KCNB2: variants seen among roughly 807,000 people sequenced by gnomAD.
KCNB2 encodes delayed rectifier potassium channel protein.
KCNB2 carries 15 observed loss-of-function variants against 61.5 expected under a neutral mutation model. The ratio of observed to expected loss-of-function variants is 0.24; its 90% CI spans 0.16 to 0.38. KCNB2 has a LOEUF of 0.38. Among genes scored for constraint, KCNB2 ranks in the 10% least tolerant of loss-of-function variants. The probability of loss-of-function intolerance (pLI) is 1.00; values close to 1 mark genes in which losing one functional copy is unlikely to be tolerated. For missense variants in KCNB2, 828 were observed against 1,125.2 expected (o/e 0.74, Z 3.78); for synonymous variants, 457 against 446.0 (o/e 1.02, Z -0.31).
chr8:72,845,710 G>A (rs1326726584), intron 2 of KCNB2, among the ~76,000 whole-genome samples: 2 of 152,170 alleles, frequency 1.3e-5, no homozygotes, highest in Non-Finnish European at 2.9e-5. Flanking sequence ...CGCCCGGTTC[G>A]AACTTCCAGG....
chr8:72,571,466 A>G (rs571296296), intron 2 of KCNB2, among the ~76,000 whole-genome samples: 47 of 152,348 alleles, frequency 3.1e-4, no homozygotes, highest in Middle Eastern at 3.4e-3. Flanking sequence ...TTTTGCACAT[A>G]TATAGAAAAC....
intron 2 of KCNB2, among the ~76,000 whole-genome samples, chr8:72,756,154 T>G (rs1373561467): frequency 6.6e-6 from 1 of 152,194 alleles, no homozygotes; most frequent in Admixed American, 6.5e-5. Context: ...GAGCAGGCTC[T>G]GAAACACCTG....
chr8:72,574,371 T>A (rs570063640), intron 2 of KCNB2, among the ~76,000 whole-genome samples: 1 of 152,210 alleles, frequency 6.6e-6, no homozygotes, highest in Non-Finnish European at 1.5e-5. Context: ...TAGGGTGCCA[T>A]AGGTTATGGA....
intron 2 of KCNB2, among the ~76,000 whole-genome samples, chr8:72,570,879 G>A (rs969110008): frequency 1.3e-5 from 2 of 152,082 alleles, no homozygotes; most frequent in African/African-American, 4.8e-5. Context: ...TAATTTAGTT[G>A]AACATATGCT....
chr8:72,755,818 G>T (rs1296859880), intron 2 of KCNB2, among the ~76,000 whole-genome samples: 1 of 152,142 alleles, frequency 6.6e-6, no homozygotes, highest in Non-Finnish European at 1.5e-5. Context: ...TCATTGACAA[G>T]GAAAACGGTT....
chr8:72,631,878 A>G (rs1805887147), intron 2 of KCNB2, among the ~76,000 whole-genome samples: 1 of 152,104 alleles, frequency 6.6e-6, no homozygotes, highest in Non-Finnish European at 1.5e-5. Context: ...GACAGGGCTC[A>G]GTCAACTCAG....
chr8:72,744,735 G>A (rs1808028712), intron 2 of KCNB2, among the ~76,000 whole-genome samples: 1 of 152,124 alleles, frequency 6.6e-6, no homozygotes, highest in Non-Finnish European at 1.5e-5. Context: ...ATCCCAGAGA[G>A]AAAACACAAG....
chr8:72,892,735 T>C (rs1250123622), intron 2 of KCNB2, among the ~76,000 whole-genome samples: 1 of 152,168 alleles, frequency 6.6e-6, no homozygotes, highest in African/African-American at 2.4e-5. Flanking sequence ...TTATCCTAAA[T>C]TCCATACCTT....
intron 2 of KCNB2, among the ~76,000 whole-genome samples, chr8:72,755,860 A>G (rs1318919385): frequency 6.6e-6 from 1 of 152,136 alleles, no homozygotes. Context: ...TACTCACTAC[A>G]ACACCTCCCT....
In KCNB2 at chr8:72,805,875, CCTT is replaced by C. The variant is rs371112773; in HGVS notation, c.580-130057_580-130055del. On this transcript the variant is annotated intron_variant, in intron 2 of 2. Transcript: ENST00000523207. ...TACTGGAACCATGTATTAATAATGTCCTTCTCTATTAGCAGTCAAGGTGTTGTA... is the reference window on the plus strand; with the variant it reads ...TACTGGAACCATGTATTAATAATGTCCTCTATTAGCAGTCAAGGTGTTGTA... Among the ~76,000 whole-genome samples the C allele has an allele frequency of 8.7e-4, 132 of 152,230 alleles. 1 individual carries two copies. The East Asian group carries it at 0.021, about 25-fold the overall frequency.
intron 2 of KCNB2, among the ~76,000 whole-genome samples, chr8:72,654,585 AT>A (rs1806261463): frequency 6.6e-6 from 1 of 152,204 alleles, no homozygotes; most frequent in African/African-American, 2.4e-5. Flanking sequence ...CGTCTAAACA[AT>A]AAAATGATAG....
intron 2 of KCNB2, among the ~76,000 whole-genome samples, chr8:72,729,830 C>T (rs909951015): frequency 6.6e-6 from 1 of 151,776 alleles, no homozygotes; most frequent in Non-Finnish European, 1.5e-5. Flanking sequence ...TTGCGGTTAG[C>T]TGAGATCATG....
intron 2 of KCNB2, among the ~76,000 whole-genome samples, chr8:72,903,184 A>G (rs182138747): frequency 3.3e-5 from 5 of 152,166 alleles, no homozygotes; most frequent in Non-Finnish European, 5.9e-5. Context: ...TCCTGAAACA[A>G]AGATGTGAGG....
intron 2 of KCNB2, among the ~76,000 whole-genome samples, chr8:72,725,617 A>G (rs1310937032): frequency 8.5e-5 from 12 of 141,310 alleles, no homozygotes; most frequent in African/African-American, 2.9e-4. Context: ...ATATATATAT[A>G]TATATGCATT....
At chr8:72,841,145 A>T (rs1490210994) in intron 2 of KCNB2, among the ~76,000 whole-genome samples, 1 of 152,048 alleles carries the variant, frequency 6.6e-6, no homozygotes, top group Non-Finnish European at 1.5e-5. Flanking sequence ...TCCCAACACC[A>T]TTTATTAAAT....
intron 2 of KCNB2, among the ~76,000 whole-genome samples, chr8:72,911,740 T>C (rs979038965): frequency 2.2e-4 from 34 of 152,336 alleles, no homozygotes; most frequent in African/African-American, 7.7e-4. Context: ...CAGGGCCATC[T>C]CTAGAGCCAG....
chr8:72,715,141 G>A (rs1293753937), intron 2 of KCNB2, among the ~76,000 whole-genome samples: 1 of 152,100 alleles, frequency 6.6e-6, no homozygotes, highest in Non-Finnish European at 1.5e-5. Context: ...CCCAATACAG[G>A]AGCACGCAGA....
chr8:72,571,298 A>C (rs559925013), intron 2 of KCNB2, among the ~76,000 whole-genome samples: 1 of 152,338 alleles, frequency 6.6e-6, no homozygotes, highest in African/African-American at 2.4e-5. Flanking sequence ...TATTTCTCTG[A>C]CAATAGCAAG....
intron 2 of KCNB2, among the ~76,000 whole-genome samples, chr8:72,666,090 A>T (rs16938286): frequency 0.02 from 3,012 of 152,308 alleles, 53 homozygotes; most frequent in South Asian, 0.074. Flanking sequence ...AATCGGAAAG[A>T]TGTGTTCCTT....
Sources: allele counts gnomAD v4.1 joint callset (sites outside exome capture counted in the v4.1 genomes callset), GRCh38; gene constraint gnomAD v4.1.1; transcripts MANE v1.5; gene names NCBI Gene and HGNC (gene_info 2026-07-23, HGNC 2026-07-21).